The following TOP3A variants were observed in gnomAD, a reference collection of about 807,000 sequenced individuals.
TOP3A encodes the protein DNA topoisomerase III alpha.
A neutral mutation model predicts 111.3 loss-of-function variants in TOP3A; 64 were observed. The observed-to-expected ratio is 0.57, with a 90% CI of 0.47 to 0.71. TOP3A has a LOEUF of 0.71. TOP3A is among the 30% of genes least tolerant of loss of function. TOP3A has a pLI of 0.00. For missense variants in TOP3A, 1,104 were observed against 1,285.0 expected, an observed-to-expected ratio of 0.86 and a Z score of 2.15; for synonymous variants, 484 against 485.1, an observed-to-expected ratio of 1.00 and a Z score of 0.03.
intron 4 of TOP3A, among the ~76,000 whole-genome samples, chr17:18,305,577 G>A (rs555795749): frequency 3.9e-4 from 59 of 152,088 alleles, no homozygotes; most frequent in Non-Finnish European, 7.5e-4. Context: ...GGTGGCTCAC[G>A]CCTGTAATCC....
intron 1 of TOP3A, among the ~76,000 whole-genome samples, chr17:18,314,372 C>G (rs1398954330): frequency 2.0e-5 from 3 of 152,216 alleles, no homozygotes; most frequent in Non-Finnish European, 4.4e-5. Context: ...TAAGCGCAAG[C>G]AAAACAAAAG....
At chr17:18,314,093 G>A (rs942180329) in intron 1 of TOP3A, among the ~76,000 whole-genome samples, 1 of 151,580 alleles carries the variant, frequency 6.6e-6, no homozygotes, top group Non-Finnish European at 1.5e-5. Context: ...TTACCGTGTT[G>A]CTGTAAGTGT....
chr17:18,275,112 A>G, intron 18 of TOP3A, 132 bp from the exon 19 acceptor site: 1 of 1,336,918 alleles, frequency 7.5e-7, no homozygotes, highest in Non-Finnish European at 1.0e-6. Context: ...TGAGCCCAGG[A>G]GTTCAAGATC....
At chr17:18,288,101 T>C (rs1980222316) in intron 13 of TOP3A, among the ~76,000 whole-genome samples, 1 of 146,538 alleles carries the variant, frequency 6.8e-6, no homozygotes, top group Admixed American at 6.9e-5. Context: ...GGAGATAAAC[T>C]GTATGGTATA....
intron 16 of TOP3A, 65 bp downstream of exon 16, chr17:18,282,633 T>A: frequency 1.2e-6 from 2 of 1,600,324 alleles, no homozygotes; most frequent in Non-Finnish European, 8.5e-7. Context: ...GCAGGGTCTT[T>A]CGAGCTACGG....
intron 4 of TOP3A, among the ~76,000 whole-genome samples, chr17:18,305,486 A>ACACACACACG (rs1164323613): frequency 5.0e-4 from 75 of 149,508 alleles, no homozygotes; most frequent in African/African-American, 1.1e-3. Flanking sequence ...ACACACACAC[A>ACACACACACG]CGCGCGCGCG....
At chr17:18,275,073 C>T in intron 18 of TOP3A, 93 bp from the exon 19 acceptor site, 2 of 1,497,024 alleles carry the variant, frequency 1.3e-6, no homozygotes, top group Non-Finnish European at 1.8e-6. Flanking sequence ...AATCCCAGCA[C>T]TTTAGGAAGC....
intron 4 of TOP3A, among the ~76,000 whole-genome samples, chr17:18,305,475 A>AACAC (rs1555572046): frequency 0.011 from 1,660 of 146,744 alleles, 8 homozygotes; most frequent in African/African-American, 0.02. Flanking sequence ...ATTCAGCTCT[A>AACAC]ACACACACAC....
intron 9 of TOP3A, among the ~76,000 whole-genome samples, chr17:18,296,456 T>C (rs1438463966): frequency 6.6e-6 from 1 of 152,096 alleles, no homozygotes; most frequent in East Asian, 1.9e-4. Flanking sequence ...GGCGCGCACC[T>C]ATAGTCCCAG....
chr17:18,291,818 G>A (rs577903793), intron 11 of TOP3A, among the ~76,000 whole-genome samples: 49 of 151,970 alleles, frequency 3.2e-4, no homozygotes, highest in Middle Eastern at 3.4e-3. Flanking sequence ...GGGTTCAAGC[G>A]ATTCTCCTGC....
At chr17:18,277,389 C>A (rs1979444935) in intron 18 of TOP3A, among the ~76,000 whole-genome samples, 1 of 152,164 alleles carries the variant, frequency 6.6e-6, no homozygotes, top group Non-Finnish European at 1.5e-5. Flanking sequence ...GATCATAATG[C>A]TTACCCAATG....
intron 18 of TOP3A, among the ~76,000 whole-genome samples, chr17:18,275,658 G>A (rs113951050): frequency 1.5e-4 from 22 of 147,984 alleles, no homozygotes; most frequent in Non-Finnish European, 2.8e-4. Flanking sequence ...CACCGTGCCC[G>A]GCCTTTTTTT....
chr17:18,289,336 T>C (rs1475348817), intron 13 of TOP3A, among the ~76,000 whole-genome samples: 2 of 138,812 alleles, frequency 1.4e-5, no homozygotes, highest in African/African-American at 5.2e-5. Flanking sequence ...GTTGTTGTTG[T>C]TGTTGTTTGT....
At chr17:18,288,634 C>T (rs8081155) in intron 13 of TOP3A, among the ~76,000 whole-genome samples, 25 of 151,920 alleles carry the variant, frequency 1.6e-4, no homozygotes, top group Non-Finnish European at 3.1e-4. Flanking sequence ...TGGCCACCCC[C>T]CTCCAATCCA....
Position 18,278,244 on chromosome 17 carries a change from G to T in TOP3A, c.2258C>A (p.Ser753Ter). The change falls in exon 18 of 19, where the codon TCA becomes TAA. Residue 753 changes from serine (S) to a stop codon, truncating the protein, a stop_gained. Coordinates refer to ENST00000321105, the MANE Select transcript of TOP3A (RefSeq NM_004618.5). LOFTEE classifies it high-confidence loss of function. ...TLREILDLRF[S>*]GGPPRASQPS... Reference sequence around the variant, plus strand: ...CTGGCTAGCCCTGGGGGGGCCCCCTGAAAATCTCAGGTCCAGGATCTCCCT... The same window carrying T: ...CTGGCTAGCCCTGGGGGGGCCCCCTTAAAATCTCAGGTCCAGGATCTCCCT... The T allele has an allele frequency of 6.4e-7, 1 of 1,571,594 alleles. No homozygotes were observed. Among genetic ancestry groups the T allele is most frequent in the Non-Finnish European group, 8.6e-7 (1 of 1,157,652 alleles).
At chr17:18,280,464 G>A (rs1979686063) in intron 17 of TOP3A, 72 bp downstream of exon 17, 1 of 1,551,358 alleles carries the variant, frequency 6.4e-7, no homozygotes, top group Admixed American at 1.8e-5. Flanking sequence ...TCCTCTCTGG[G>A]TTCTGGCAGG....
At chr17:18,309,025 G>A in intron 1 of TOP3A, 84 bp from the exon 2 acceptor site, 1 of 758,934 alleles carries the variant, frequency 1.3e-6, no homozygotes, top group Non-Finnish European at 2.0e-6. Flanking sequence ...TCCTGAATTT[G>A]GCAATGATTT....
intron 9 of TOP3A, among the ~76,000 whole-genome samples, chr17:18,295,496 T>C (rs1401912461): frequency 2.0e-5 from 3 of 151,402 alleles, no homozygotes; most frequent in African/African-American, 7.3e-5. Context: ...AGTCTCGCTC[T>C]TGTTGCCCAG....
At chr17:18,283,832 T>C (rs1448253065) in intron 15 of TOP3A, among the ~76,000 whole-genome samples, 1 of 152,136 alleles carries the variant, frequency 6.6e-6, no homozygotes, top group African/African-American at 2.4e-5. Flanking sequence ...ACACTTTACT[T>C]ATGCTTACCC....
Sources: allele counts gnomAD v4.1 joint callset (sites outside exome capture counted in the v4.1 genomes callset), GRCh38; gene constraint gnomAD v4.1.1; transcripts MANE v1.5; gene names NCBI Gene and HGNC (gene_info 2026-07-23, HGNC 2026-07-21).